KIAA0319L: variants seen among roughly 807,000 people sequenced by gnomAD.
The protein encoded by KIAA0319L is KIAA0319 like.
KIAA0319L carries 55 observed loss-of-function variants against 120.1 expected under a neutral mutation model. The ratio of observed to expected loss-of-function variants is 0.46; its 90% CI spans 0.37 to 0.57. KIAA0319L has a LOEUF of 0.57. Ranked by LOEUF, KIAA0319L falls within the 20% of genes least tolerant of loss-of-function variation. The probability of loss-of-function intolerance (pLI) is 0.00; values close to 1 mark genes in which losing one functional copy is unlikely to be tolerated. For missense variants in KIAA0319L, 1,049 were observed against 1,255.3 expected (o/e 0.84, Z 2.48); for synonymous variants, 398 against 471.9 (o/e 0.84, Z 2.03).
intron 2 of KIAA0319L, chr1:35,511,059 G>A (rs1196256510): frequency 1.3e-5 from 2 of 152,218 alleles, no homozygotes; most frequent in African/African-American, 2.4e-5. Flanking sequence ...ACTCTTATTA[G>A]TCATCAAAGA....
chr1:35,461,450 G>A (rs1415370229), intron 8 of KIAA0319L, among the ~76,000 whole-genome samples: 1 of 151,860 alleles, frequency 6.6e-6, no homozygotes, highest in Non-Finnish European at 1.5e-5. Flanking sequence ...TGGGCAAGAA[G>A]AGCGAAACTC....
Position 35,551,479 on chromosome 1 carries a change from G to A in KIAA0319L, c.142+2871C>T, listed in dbSNP as rs537094022. ...ATTACATGTGCATGCCATCACGCCC[G>A]GCTAATTTTTTGTATTTTTAGTAGA... On this transcript the variant is annotated intron_variant, in intron 2 of 20. Transcript: ENST00000325722. Among the ~76,000 whole-genome samples the A allele has an allele frequency of 1.5e-3, 221 of 152,058 alleles. 1 individual carries two copies. Among genetic ancestry groups the A allele is most frequent in the Non-Finnish European group, 3.8e-4 (26 of 67,984 alleles).
intron 2 of KIAA0319L, among the ~76,000 whole-genome samples, chr1:35,538,534 T>A (rs1646669263): frequency 7.5e-6 from 1 of 134,064 alleles, no homozygotes; most frequent in South Asian, 2.2e-4. Flanking sequence ...GAGACTGCAG[T>A]GAGCTGAGAT....
At chr1:35,504,780 C>A (rs79870231) in intron 3 of KIAA0319L, among the ~76,000 whole-genome samples, 2,810 of 152,224 alleles carry the variant, frequency 0.018, 93 homozygotes, top group African/African-American at 0.065. Context: ...CTACTTAAAA[C>A]TCCCTAATGG....
chr1:35,482,795 C>T (rs1206787041), intron 3 of KIAA0319L, among the ~76,000 whole-genome samples: 1 of 152,158 alleles, frequency 6.6e-6, no homozygotes, highest in African/African-American at 2.4e-5. Context: ...ATAGAACCCC[C>T]GATCAATGTA....
At chr1:35,494,866 A>T (rs1644741256) in intron 3 of KIAA0319L, among the ~76,000 whole-genome samples, 4 of 151,042 alleles carry the variant, frequency 2.6e-5, no homozygotes, top group Admixed American at 2.6e-4. Context: ...ATATAGGCAA[A>T]CAGATAAATG....
intron 5 of KIAA0319L, among the ~76,000 whole-genome samples, chr1:35,471,899 T>TCTTC (rs1037601680): frequency 1.3e-5 from 2 of 152,178 alleles, no homozygotes; most frequent in Non-Finnish European, 2.9e-5. Flanking sequence ...GACAAGGTCT[T>TCTTC]CTTCCTTCCT....
rs148004817 is a variant in KIAA0319L, at chr1:35,480,792, A to G, written c.667-1580T>C. On this transcript the variant is annotated intron_variant, in intron 3 of 20. Coordinates refer to ENST00000325722, the MANE Select transcript of KIAA0319L (RefSeq NM_024874.5). ...AGAGTGAAACTCTTGTCTCAAAAAA[A>G]AAAAATCAAATTGGTTGAAATATAA... 1.1e-3 allele frequency among the ~76,000 whole-genome samples: 169 copies of G among 152,336 alleles called. No homozygotes were observed. In the East Asian group the frequency reaches 0.032, roughly 29 times the overall value.
At chr1:35,443,226 A>C in intron 17 of KIAA0319L, 198 bp from the exon 18 acceptor site, 2 of 575,776 alleles carry the variant, frequency 3.5e-6, no homozygotes, top group Admixed American at 3.0e-5. Context: ...GCCACTAGAA[A>C]GACACTTCCA....
chr1:35,518,773 G>T (rs991625486), intron 2 of KIAA0319L, among the ~76,000 whole-genome samples: 5 of 152,122 alleles, frequency 3.3e-5, no homozygotes, highest in Non-Finnish European at 2.9e-5. Context: ...GGAGGCCGAG[G>T]CAGGTGGATT....
chr1:35,461,693 T>A (rs143644736), intron 8 of KIAA0319L, among the ~76,000 whole-genome samples: 1 of 152,334 alleles, frequency 6.6e-6, no homozygotes, highest in East Asian at 1.9e-4. Flanking sequence ...TTTCACTGTA[T>A]ACATTTGCAT....
intron 4 of KIAA0319L, among the ~76,000 whole-genome samples, 188 bp from the exon 5 acceptor site, chr1:35,475,094 C>CA: frequency 6.6e-6 from 1 of 152,148 alleles, no homozygotes; most frequent in East Asian, 1.9e-4. Context: ...AAGGATCTTT[C>CA]AAAACTACTT....
At chr1:35,521,616 GGAGA>G (rs1055154148) in intron 2 of KIAA0319L, among the ~76,000 whole-genome samples, 2 of 137,596 alleles carry the variant, frequency 1.5e-5, no homozygotes, top group African/African-American at 5.4e-5. Context: ...CCTGGGTGAC[GGAGA>G]GAGACTCCGT....
Position 35,450,433 on chromosome 1 carries a change from A to C in KIAA0319L, c.2139T>G (p.Asp713Glu). The part of the protein sequence containing the change: ...ITLPTSTAEL[D>E]GSKSSDDKGI... ...CCTTGTCATCTGAGGACTTAGAGCC[A>C]TCCAGCTCTGCTGTGCTCGTGGGTA... The change falls in exon 14 of 21, where the codon GAT (aspartate) becomes GAG (glutamate). Residue 713 changes from aspartate to glutamate, a missense_variant. Physicochemically the swap from Asp to Glu is conservative, Grantham distance 45. Transcript: ENST00000325722. 1 of 1,613,902 alleles carries C rather than the reference A, an allele frequency of 6.2e-7. No homozygotes were observed. The highest frequency in any genetic ancestry group is 8.5e-7 in the Non-Finnish European group (1 of 1,179,772).
At chr1:35,543,730 A>G (rs1364057715) in intron 2 of KIAA0319L, among the ~76,000 whole-genome samples, 1 of 152,086 alleles carries the variant, frequency 6.6e-6, no homozygotes, top group Non-Finnish European at 1.5e-5. Context: ...CAACAACAAC[A>G]AAAAAAGGCA....
chr1:35,491,596 T>C (rs1325553197), intron 3 of KIAA0319L, among the ~76,000 whole-genome samples: 2 of 151,998 alleles, frequency 1.3e-5, no homozygotes, highest in Non-Finnish European at 2.9e-5. Flanking sequence ...CTTGGATTTG[T>C]TTAAACAGGG....
intron 1 of KIAA0319L, 62 bp from the exon 2 acceptor site, chr1:35,554,581 G>A: frequency 8.5e-7 from 1 of 1,182,928 alleles, no homozygotes; most frequent in Middle Eastern, 2.0e-4. Flanking sequence ...TCCTGGAAAT[G>A]TGGAATGCTA....
In KIAA0319L at chr1:35,460,198, C is replaced by T. The variant is rs1570678913; in HGVS notation, c.1427+107G>A. On this transcript the variant is annotated intron_variant, in intron 9 of 20. Coordinates refer to ENST00000325722, the MANE Select transcript of KIAA0319L (RefSeq NM_024874.5). ...AACCAAAAGCTGTATTATCAACCAA[C>T]TCCACAGTGAATTTGATATTTGTCA... 3.3e-6 allele frequency: 3 copies of T among 921,372 alleles called. No homozygotes were observed. The East Asian group carries it at 7.3e-5, about 23-fold the overall frequency. 57.1% of individuals were successfully genotyped at this position (921,372 alleles called of 1,614,324 possible). A position where few individuals can be genotyped will look rare whatever the true frequency, so the allele number is the denominator to read the frequency against.
chr1:35,512,322 A>T (rs1014916168), intron 2 of KIAA0319L, among the ~76,000 whole-genome samples: 1 of 47,442 alleles, frequency 2.1e-5, no homozygotes, highest in Admixed American at 3.2e-4. Context: ...TAAAAGCCAA[A>T]CTTTGACCAA....
Sources: gnomAD v4.1 joint callset for allele counts (sites outside exome capture counted in the v4.1 genomes callset) on GRCh38, gnomAD v4.1.1 for gene constraint, MANE v1.5 for transcripts, NCBI Gene and HGNC (gene_info 2026-07-23, HGNC 2026-07-21) for gene names.